Variants in CHST11 observed in about 807,000 individuals in gnomAD.
The protein encoded by CHST11 is carbohydrate sulfotransferase 11, also known as C4S-1.
A neutral mutation model predicts 30.4 loss-of-function variants in CHST11; 9 were observed. The ratio of observed to expected loss-of-function variants is 0.30; its 90% CI spans 0.18 to 0.52. The LOEUF (loss-of-function observed/expected upper bound fraction) is 0.52. CHST11 is among the 20% of genes least tolerant of loss of function. The pLI, the probability that CHST11 is intolerant of heterozygous loss-of-function variation, is 0.97. For synonymous variants in CHST11, 152 were observed against 187.8 expected (o/e 0.81, Z 1.56); for missense variants, 348 against 460.6 (o/e 0.76, Z 2.24).
chr12:104,604,092 G>A (rs2038981154), intron 2 of CHST11, among the ~76,000 whole-genome samples: 2 of 152,134 alleles, frequency 1.3e-5, no homozygotes, highest in African/African-American at 4.8e-5. Context: ...GAGTTGAGGG[G>A]AATGATTTGA....
At chr12:104,473,332 G>GTTAA (rs1206836630) in intron 1 of CHST11, among the ~76,000 whole-genome samples, 1 of 152,170 alleles carries the variant, frequency 6.6e-6, no homozygotes, top group African/African-American at 2.4e-5. Context: ...GGCCATGGAG[G>GTTAA]TTAAATTTCA....
chr12:104,465,923 T>C (rs2135950972), intron 1 of CHST11, among the ~76,000 whole-genome samples: 1 of 152,118 alleles, frequency 6.6e-6, no homozygotes, highest in East Asian at 1.9e-4. Context: ...GGCTGGAATG[T>C]AGTGGCACCG....
At chr12:104,476,115 AATAATATATAAT>A (rs971256960) in intron 1 of CHST11, among the ~76,000 whole-genome samples, 1 of 109,254 alleles carries the variant, frequency 9.2e-6, no homozygotes, top group African/African-American at 3.8e-5. Flanking sequence ...AAATATAAAT[AATAATATATAAT>A]ATAATATATT....
intron 1 of CHST11, among the ~76,000 whole-genome samples, chr12:104,577,667 C>T (rs1028540880): frequency 1.3e-5 from 2 of 152,162 alleles, no homozygotes; most frequent in Non-Finnish European, 2.9e-5. Context: ...CCCCTGCTTT[C>T]CTAGGCTCCC....
intron 1 of CHST11, among the ~76,000 whole-genome samples, chr12:104,477,443 A>G (rs914517273): frequency 1.3e-5 from 2 of 152,192 alleles, no homozygotes; most frequent in African/African-American, 2.4e-5. Flanking sequence ...GAGGAAAAAC[A>G]TATGGAGAAA....
intron 1 of CHST11, among the ~76,000 whole-genome samples, chr12:104,494,694 G>A (rs114988638): frequency 5.9e-5 from 9 of 152,148 alleles, no homozygotes; most frequent in Admixed American, 1.3e-4. Context: ...GTGGGGTGGG[G>A]TGCGGGCTCA....
chr12:104,551,447 A>T (rs1359405649), intron 1 of CHST11, among the ~76,000 whole-genome samples: 2 of 152,022 alleles, frequency 1.3e-5, no homozygotes, highest in African/African-American at 4.8e-5. Context: ...AGATGGTTAG[A>T]AAGGTCAGCT....
At chr12:104,582,023 C>A (rs2038750057) in intron 1 of CHST11, among the ~76,000 whole-genome samples, 1 of 152,158 alleles carries the variant, frequency 6.6e-6, no homozygotes, top group Admixed American at 6.5e-5. Context: ...ACGTCATTAT[C>A]GTCAGCATCA....
intron 2 of CHST11, among the ~76,000 whole-genome samples, chr12:104,649,127 AGAAGG>A (rs747987578): frequency 2.0e-5 from 3 of 151,674 alleles, no homozygotes; most frequent in Non-Finnish European, 4.4e-5. Context: ...AGCAGAGTAG[AGAAGG>A]GTGGGGAATG....
chr12:104,623,690 G>T (rs556336427), intron 2 of CHST11, among the ~76,000 whole-genome samples: 1 of 151,878 alleles, frequency 6.6e-6, no homozygotes, highest in East Asian at 1.9e-4. Flanking sequence ...AGCCGAGATC[G>T]CCTGGGTGAC....
chr12:104,529,685 G>A (rs575368566), intron 1 of CHST11, among the ~76,000 whole-genome samples: 1 of 152,048 alleles, frequency 6.6e-6, no homozygotes, highest in Non-Finnish European at 1.5e-5. Flanking sequence ...CATCATTTCT[G>A]CATTCCAGCC....
chr12:104,531,098 A>G (rs2038178476), intron 1 of CHST11, among the ~76,000 whole-genome samples: 1 of 152,194 alleles, frequency 6.6e-6, no homozygotes, highest in South Asian at 2.1e-4. Context: ...TTTCTAAAAT[A>G]CTGTATCAGA....
chr12:104,750,691 G>A lies in CHST11; in HGVS notation c.205-6258G>A, dbSNP rs765106708. On this transcript the variant is annotated intron_variant, in intron 2 of 2. Coordinates refer to ENST00000303694, the MANE Select transcript of CHST11 (RefSeq NM_018413.6). ...ACTCCTGACCTCAGGTGATCCACTC[G>A]CCTCAGCCTCCCTAAATGTTGGGAT... Among the ~76,000 whole-genome samples, 5 of 151,730 alleles carry A rather than the reference G, an allele frequency of 3.3e-5. No homozygotes were observed. In the East Asian group the frequency reaches 5.8e-4, roughly 18 times the overall value.
At chr12:104,495,106 A>T (rs4964810) in intron 1 of CHST11, among the ~76,000 whole-genome samples, 1 of 152,184 alleles carries the variant, frequency 6.6e-6, no homozygotes, top group East Asian at 1.9e-4. Flanking sequence ...TATTTTGCTT[A>T]GCTTAATGTC....
At chr12:104,665,029 T>C (rs111780830) in intron 2 of CHST11, among the ~76,000 whole-genome samples, 2,089 of 152,316 alleles carry the variant, frequency 0.014, 53 homozygotes, top group African/African-American at 0.047. Context: ...CCTGAGTGCC[T>C]CACCTTGTGC....
In CHST11 at chr12:104,474,219, G is replaced by A. The variant is rs572012698; in HGVS notation, c.118+16690G>A. On this transcript the variant is annotated intron_variant, in intron 1 of 2. Coordinates refer to ENST00000303694, the MANE Select transcript of CHST11 (RefSeq NM_018413.6). ...AGAATTAGTGAAATCCTTTAAGAGC[G>A]AAGGTTTCATTATATATAGGGTTTT... 1.1e-3 allele frequency among the ~76,000 whole-genome samples: 163 copies of A among 152,306 alleles called. 1 individual carries two copies. The highest frequency in any genetic ancestry group is 3.5e-3 in the African/African-American group (145 of 41,558).
intron 2 of CHST11, among the ~76,000 whole-genome samples, chr12:104,715,267 G>A (rs1047373912): frequency 2.0e-5 from 3 of 152,174 alleles, no homozygotes; most frequent in Admixed American, 2.0e-4. Context: ...CCAGCTACTT[G>A]GGAGGCCGAG....
chr12:104,679,043 C>T (rs1431241735), intron 2 of CHST11, among the ~76,000 whole-genome samples: 1 of 152,114 alleles, frequency 6.6e-6, no homozygotes, highest in African/African-American at 2.4e-5. Context: ...CCCATGATGT[C>T]GTTGGTACTC....
At chr12:104,540,799 G>A (rs2038278723) in intron 1 of CHST11, among the ~76,000 whole-genome samples, 1 of 152,204 alleles carries the variant, frequency 6.6e-6, no homozygotes, top group South Asian at 2.1e-4. Context: ...GTGAGCCAGG[G>A]AGCATTTTGA....
Sources: allele counts gnomAD v4.1 joint callset (sites outside exome capture counted in the v4.1 genomes callset), GRCh38; gene constraint gnomAD v4.1.1; transcripts MANE v1.5; gene names NCBI Gene and HGNC (gene_info 2026-07-23, HGNC 2026-07-21).